Variants in PKD1L1 observed in about 807,000 individuals in gnomAD.
PKD1L1 encodes polycystin 1 like 1, transient receptor potential channel interacting, also known as polycystin-1-like protein 1.
Under a neutral mutation model 323.4 loss-of-function variants are expected in PKD1L1, and 236 were observed. The ratio of observed to expected loss-of-function variants is 0.73; its 90% confidence interval spans 0.66 to 0.81. PKD1L1 has a LOEUF of 0.81. Among genes scored for constraint, PKD1L1 ranks in the 40% least tolerant of loss-of-function variants. The pLI is 0.00. For synonymous variants in PKD1L1, 1,344 were observed against 1,335.0 expected, an observed-to-expected ratio of 1.01 and a Z score of -0.15; for missense variants, 3,320 against 3,508.0, an observed-to-expected ratio of 0.95 and a Z score of 1.35.
At chr7:47,905,729 G>A in intron 10 of PKD1L1, 114 bp downstream of exon 10, 1 of 1,386,534 alleles carries the variant, frequency 7.2e-7, no homozygotes, top group Non-Finnish European at 9.9e-7. Context: ...AATGACAAAT[G>A]GGGCTCTCCA....
chr7:47,896,642 C>T (rs886754272), intron 14 of PKD1L1, among the ~76,000 whole-genome samples: 4 of 152,062 alleles, frequency 2.6e-5, no homozygotes, highest in Non-Finnish European at 4.4e-5. Context: ...ATCTCCAAAT[C>T]CCTCCCCCCA....
At chr7:47,875,334 A>C (rs913939035) in intron 23 of PKD1L1, among the ~76,000 whole-genome samples, 2 of 152,242 alleles carry the variant, frequency 1.3e-5, no homozygotes, top group Non-Finnish European at 2.9e-5. Context: ...GTGAAACTTA[A>C]ATAAATCAAG....
intron 45 of PKD1L1, among the ~76,000 whole-genome samples, chr7:47,826,733 T>C (rs1583599944): frequency 6.6e-6 from 1 of 152,188 alleles, no homozygotes; most frequent in Non-Finnish European, 1.5e-5. Flanking sequence ...AGGGGGATGG[T>C]ACCACTGAGA....
intron 15 of PKD1L1, among the ~76,000 whole-genome samples, chr7:47,891,375 A>G (rs1250034963): frequency 1.3e-5 from 2 of 152,182 alleles, no homozygotes; most frequent in African/African-American, 2.4e-5. Flanking sequence ...GTCTTCCCCA[A>G]CCTTGAGCCA....
At chr7:47,913,293 C>A (rs192103812) in intron 8 of PKD1L1, among the ~76,000 whole-genome samples, 1 of 152,062 alleles carries the variant, frequency 6.6e-6, no homozygotes, top group East Asian at 1.9e-4. Context: ...AACAGGAACA[C>A]CATGCCAAAA....
At chr7:47,888,209 C>T (rs1321437989) in intron 16 of PKD1L1, 59 bp from the exon 17 acceptor site, 7 of 1,525,664 alleles carry the variant, frequency 4.6e-6, no homozygotes, top group Non-Finnish European at 6.3e-6. Flanking sequence ...TCTTTGGTCA[C>T]ATTAATTCAT....
chr7:47,888,820 T>G (rs1356290283), intron 16 of PKD1L1, among the ~76,000 whole-genome samples: 1 of 151,846 alleles, frequency 6.6e-6, no homozygotes, highest in African/African-American at 2.4e-5. Flanking sequence ...CTTTCCAGAG[T>G]GCACTTTTAT....
chr7:47,817,929 G>C, intron 46 of PKD1L1: 1 of 908,084 alleles, frequency 1.1e-6, no homozygotes, highest in Non-Finnish European at 1.5e-6. Flanking sequence ...TTATCTGACT[G>C]GTTTTATTTC....
chr7:47,924,332 A>T (rs966454644), intron 7 of PKD1L1, among the ~76,000 whole-genome samples: 1 of 152,218 alleles, frequency 6.6e-6, no homozygotes, highest in Non-Finnish European at 1.5e-5. Context: ...CAGCTGAGTT[A>T]GTTCCTTGGC....
chr7:47,844,566 C>A (rs553153097), intron 33 of PKD1L1, among the ~76,000 whole-genome samples: 40 of 152,216 alleles, frequency 2.6e-4, no homozygotes, highest in African/African-American at 9.4e-4. Context: ...CATTTTAAAT[C>A]TATTATCTAA....
At position 47,840,496 on chromosome 7, in the gene PKD1L1, CAG is replaced by C; in HGVS notation, c.5515_5516del (p.Leu1839ValfsTer2). 11 of 1,614,124 alleles carry C rather than the reference CAG, an allele frequency of 6.8e-6. No homozygotes were observed. The highest frequency in any genetic ancestry group is 9.3e-6 in the Non-Finnish European group (11 of 1,179,980). Reference sequence around the variant, plus strand: ...AGGTGTGTCTGGAATTCCTTTCAAACAGGGGCTTCTCTGGACAGGAGAGCTCC... The same window carrying C: ...AGGTGTGTCTGGAATTCCTTTCAAACGGGCTTCTCTGGACAGGAGAGCTCC... Reference protein sequence around the residue: ...TKELSCPEKPLFERNSRHTFI... With the variant: ...TKELSCPEKPXFERNSRHTFI... On this transcript the variant is annotated frameshift_variant, in exon 35 of 57. Coordinates refer to ENST00000289672, the MANE Select transcript of PKD1L1 (RefSeq NM_138295.5). LOFTEE classifies it high-confidence loss of function. The surrounding 1 kb of genome is among the most constrained non-coding windows in gnomAD (Gnocchi z 4.1).
chr7:47,948,539 T>C (rs1562576532), upstream of PKD1L1: 1 of 1,224,034 alleles, frequency 8.2e-7, no homozygotes, highest in Non-Finnish European at 1.2e-6. Flanking sequence ...TTCCAGCTTC[T>C]GTACTTGTGA....
At chr7:47,858,457 A>G (rs1057086535) in intron 27 of PKD1L1, among the ~76,000 whole-genome samples, 2 of 152,242 alleles carry the variant, frequency 1.3e-5, no homozygotes, top group Non-Finnish European at 2.9e-5. Flanking sequence ...AGGATAAAAT[A>G]GAAGCAAGGT....
rs531215940 is a variant in PKD1L1, at chr7:47,888,991, C to T, written c.2676-841G>A. ...CCTATACTCTGCACCTGACGGCCCA[C>T]GTCTCAGACCAAGGCCTAAGCACTC... On this transcript the variant is annotated intron_variant, in intron 16 of 56. Coordinates refer to ENST00000289672, the MANE Select transcript of PKD1L1 (RefSeq NM_138295.5). Among the ~76,000 whole-genome samples the T allele has an allele frequency of 2.9e-3, 439 of 152,292 alleles. 2 individuals carry two copies. Among genetic ancestry groups the T allele is most frequent in the African/African-American group, 1.0e-2 (415 of 41,566 alleles).
intron 54 of PKD1L1, among the ~76,000 whole-genome samples, chr7:47,797,856 A>T (rs550005899): frequency 6.6e-6 from 1 of 152,320 alleles, no homozygotes; most frequent in African/African-American, 2.4e-5. Flanking sequence ...CTTTGAGGAC[A>T]CTTCTAGTTA....
rs1367201373 is a variant in PKD1L1 at position 47,807,153 on chromosome 7, T to A, written c.7827+1094A>T. ...TTGCTTGTGCGAGTGTTCTGTCTCATCAGATTCATGTATTCTTTCACTTCA... is the reference window on the plus strand; with the variant it reads ...TTGCTTGTGCGAGTGTTCTGTCTCAACAGATTCATGTATTCTTTCACTTCA... On this transcript the variant is annotated intron_variant, in intron 52 of 56. Coordinates refer to ENST00000289672, the MANE Select transcript of PKD1L1 (RefSeq NM_138295.5). Among the ~76,000 whole-genome samples the A allele has an allele frequency of 1.2e-4, 19 of 152,202 alleles. 1 individual carries two copies. The South Asian group carries it at 3.9e-3, about 32-fold the overall frequency.
In PKD1L1 at chr7:47,898,796, T is replaced by G. The variant is rs115485981; in HGVS notation, c.2065-602A>C. ...CACCTTAAAAATTAACAATAAGTTCTTAGTATAATTTAAACCTAGTTTATA... is the reference window on the plus strand; with the variant it reads ...CACCTTAAAAATTAACAATAAGTTCGTAGTATAATTTAAACCTAGTTTATA... On this transcript the variant is annotated intron_variant, in intron 13 of 56. Transcript: ENST00000289672. Among the ~76,000 whole-genome samples, 239 of 152,226 alleles carry G rather than the reference T, an allele frequency of 1.6e-3. 1 individual carries two copies. Among genetic ancestry groups the G allele is most frequent in the African/African-American group, 5.4e-3 (223 of 41,540 alleles).
chr7:47,829,290 A>G, intron 44 of PKD1L1, 135 bp downstream of exon 44: 2 of 840,092 alleles, frequency 2.4e-6, no homozygotes, highest in Non-Finnish European at 1.8e-6. Flanking sequence ...AAAGAAGCAT[A>G]AGAAATTAAG....
rs557409425 is a variant in PKD1L1 at position 47,798,728 on chromosome 7, C to G, written c.8193+1921G>C. ...TGAGATCACGCCACTGCACTCCAGC[C>G]TGGGCGACAGAGTGAGACTCTGTCT... On this transcript the variant is annotated intron_variant, in intron 54 of 56. Coordinates refer to ENST00000289672, the MANE Select transcript of PKD1L1 (RefSeq NM_138295.5). Among the ~76,000 whole-genome samples, 100 of 144,060 alleles carry G rather than the reference C, an allele frequency of 6.9e-4. 1 individual carries two copies. The highest frequency in any genetic ancestry group is 2.2e-3 in the South Asian group (10 of 4,588). The allele number at this position is 144,060 out of a possible 152,430, so 94.5% of individuals were successfully genotyped here.
Sources: allele counts gnomAD v4.1 joint callset (sites outside exome capture counted in the v4.1 genomes callset), GRCh38; gene constraint gnomAD v4.1.1; non-coding constraint Gnocchi (gnomAD v3.1); transcripts MANE v1.5; gene names NCBI Gene and HGNC (gene_info 2026-07-23, HGNC 2026-07-21).